The following ARHGEF10 variants were observed in gnomAD, a reference collection of about 807,000 sequenced individuals.
The protein encoded by ARHGEF10 is Rho guanine nucleotide exchange factor (GEF) 10.
ARHGEF10 carries 140 observed loss-of-function variants against 147.4 expected under a neutral mutation model. The observed-to-expected ratio is 0.95, with a 90% CI of 0.83 to 1.09. The LOEUF (loss-of-function observed/expected upper bound fraction) is 1.09. Ranked by LOEUF, ARHGEF10 falls within the 50% of genes least tolerant of loss-of-function variation. The pLI is 0.00. For synonymous variants in ARHGEF10, 902 were observed against 695.8 expected (o/e 1.30, Z -4.67); for missense variants, 2,222 against 1,752.7 (o/e 1.27, Z -4.78).
intron 1 of ARHGEF10, among the ~76,000 whole-genome samples, chr8:1,828,684 T>G (rs373777670): frequency 1.3e-5 from 2 of 150,540 alleles, no homozygotes; most frequent in African/African-American, 2.4e-5. Context: ...GCACACTTAC[T>G]GTTTTAAGGA....
chr8:1,888,131 T>TA (rs1416046200), intron 11 of ARHGEF10, among the ~76,000 whole-genome samples: 3 of 34,248 alleles, frequency 8.8e-5, no homozygotes, highest in East Asian at 1.1e-3. Flanking sequence ...GGGTGAGGGT[T>TA]TGCGAGGAGA....
chr8:1,888,819 A>T (rs145771636), intron 11 of ARHGEF10, among the ~76,000 whole-genome samples: 277 of 21,136 alleles, frequency 0.013, 8 homozygotes, highest in South Asian at 0.055. Context: ...GTGGGGTGAG[A>T]GTTATGAGGA....
At chr8:1,956,546 C>T (rs1329500974) in intron 28 of ARHGEF10, among the ~76,000 whole-genome samples, 2 of 152,112 alleles carry the variant, frequency 1.3e-5, no homozygotes, top group African/African-American at 4.8e-5. Context: ...ATTTTTAAAG[C>T]CTTTTTCACA....
At chr8:1,858,993 T>G (rs1805845459) in intron 3 of ARHGEF10, among the ~76,000 whole-genome samples, 1 of 152,058 alleles carries the variant, frequency 6.6e-6, no homozygotes, top group African/African-American at 2.4e-5. Context: ...CTTTGCATGG[T>G]TTCTTTGTGC....
At chr8:1,950,400 G>C (rs1169767485) in intron 27 of ARHGEF10, among the ~76,000 whole-genome samples, 1 of 152,356 alleles carries the variant, frequency 6.6e-6, no homozygotes, top group African/African-American at 2.4e-5. Flanking sequence ...TTGGCAGACT[G>C]CTTGGAAAAT....
intron 7 of ARHGEF10, chr8:1,870,017 G>C (rs1284862328): frequency 2.0e-5 from 3 of 153,734 alleles, no homozygotes; most frequent in East Asian, 3.8e-4. Flanking sequence ...CCACGGAGGA[G>C]GTGACAGGGG....
intron 9 of ARHGEF10, among the ~76,000 whole-genome samples, chr8:1,881,784 C>A (rs1808220241): frequency 6.6e-6 from 1 of 152,196 alleles, no homozygotes; most frequent in African/African-American, 2.4e-5. Flanking sequence ...GGTGGTGTGA[C>A]CCAGATGAGG....
At chr8:1,862,750 T>A (rs1806238140) in intron 4 of ARHGEF10, among the ~76,000 whole-genome samples, 1 of 151,124 alleles carries the variant, frequency 6.6e-6, no homozygotes, top group Non-Finnish European at 1.5e-5. Context: ...GCTCTTTGGG[T>A]GTTTCTTTTC....
At chr8:1,834,290 A>G (rs1042425738) in intron 1 of ARHGEF10, among the ~76,000 whole-genome samples, 2 of 152,146 alleles carry the variant, frequency 1.3e-5, no homozygotes, top group Admixed American at 6.5e-5. Flanking sequence ...GACTGAATGC[A>G]TTTGCTTCTC....
intron 7 of ARHGEF10, among the ~76,000 whole-genome samples, chr8:1,871,947 T>C (rs1195470090): frequency 6.6e-6 from 1 of 151,536 alleles, no homozygotes; most frequent in Non-Finnish European, 1.5e-5. Flanking sequence ...GAAATAAAAA[T>C]CCAGGAAGCA....
In ARHGEF10 at chr8:1,957,273, C is replaced by A. The variant is rs367798506; in HGVS notation, c.*10C>A. ...TCTGCTGAATATATAAGCAGGACGG[C>A]CGCCTTCTGCTGTCAGAATTTGCAA... On this transcript the variant is annotated 3_prime_UTR_variant, in exon 29 of 29. Coordinates refer to ENST00000349830, the MANE Select transcript of ARHGEF10 (RefSeq NM_014629.4). 1 of 1,604,226 alleles carries A rather than the reference C, an allele frequency of 6.2e-7. No homozygotes were observed. Among genetic ancestry groups the A allele is most frequent in the Non-Finnish European group, 8.5e-7 (1 of 1,177,586 alleles).
chr8:1,895,691 C>A lies in ARHGEF10; in HGVS notation c.1441-642C>A, dbSNP rs151027571. Among the ~76,000 whole-genome samples the A allele has an allele frequency of 3.7e-3, 568 of 152,264 alleles. 8 individuals carry two copies. Among genetic ancestry groups the A allele is most frequent in the East Asian group, 0.015 (76 of 5,180 alleles). On this transcript the variant is annotated intron_variant, in intron 13 of 28. Coordinates refer to ENST00000349830, the MANE Select transcript of ARHGEF10 (RefSeq NM_014629.4). ...GAAATAGAATTTTGATGAAAACATT[C>A]CTGCTATCAATGCCAGTCACACCAG...
At position 1,931,715 on chromosome 8, in the gene ARHGEF10, AAAAATGTG is replaced by A. The variant is rs1813163141; in HGVS notation, c.3080-2081_3080-2074del. 3.3e-5 allele frequency among the ~76,000 whole-genome samples: 5 copies of A among 152,346 alleles called. No homozygotes were observed. In the South Asian group the frequency reaches 1.0e-3, roughly 32 times the overall value. ...AGAGCTCTGAGCTTTCAAGGGACTT[AAAAATGTG>A]AAATTCTGTGGGCAATTTCCAGATT... On this transcript the variant is annotated intron_variant, in intron 25 of 28. Coordinates refer to ENST00000349830, the MANE Select transcript of ARHGEF10 (RefSeq NM_014629.4).
chr8:1,871,352 TA>T (rs202011745), intron 7 of ARHGEF10, among the ~76,000 whole-genome samples: 6 of 150,458 alleles, frequency 4.0e-5, no homozygotes, highest in South Asian at 2.1e-4. Flanking sequence ...ATAAAATCAG[TA>T]AAAAAAAATC....
chr8:1,932,634 A>G (rs928516049), intron 25 of ARHGEF10, among the ~76,000 whole-genome samples: 3 of 152,264 alleles, frequency 2.0e-5, no homozygotes, highest in African/African-American at 7.2e-5. Flanking sequence ...CACTGGGGCT[A>G]ATAATTACCC....
chr8:1,840,928 T>C (rs1483466436), intron 1 of ARHGEF10, among the ~76,000 whole-genome samples: 1 of 152,174 alleles, frequency 6.6e-6, no homozygotes. Context: ...TCGGACCCTG[T>C]CTTGCTGCAC....
At chr8:1,847,063 A>AC (rs1206299013) in intron 2 of ARHGEF10, among the ~76,000 whole-genome samples, 5 of 151,998 alleles carry the variant, frequency 3.3e-5, no homozygotes, top group Admixed American at 6.5e-5. Context: ...CCTCACCTTT[A>AC]CCAGGTCCCT....
intron 6 of ARHGEF10, among the ~76,000 whole-genome samples, chr8:1,868,284 G>A (rs1806785583): frequency 1.3e-5 from 2 of 152,176 alleles, no homozygotes; most frequent in African/African-American, 4.8e-5. Context: ...GGGAGAGTTC[G>A]GGTTTGTTGG....
chr8:1,907,195 G>A (rs982317882), intron 17 of ARHGEF10, among the ~76,000 whole-genome samples: 1 of 152,190 alleles, frequency 6.6e-6, no homozygotes, highest in African/African-American at 2.4e-5. Flanking sequence ...GTGTTATGAG[G>A]TGCTTCCCAT....
Sources: gnomAD v4.1 joint callset for allele counts (sites outside exome capture counted in the v4.1 genomes callset) on GRCh38, gnomAD v4.1.1 for gene constraint, MANE v1.5 for transcripts, NCBI Gene and HGNC (gene_info 2026-07-23, HGNC 2026-07-21) for gene names.